SCML1: variants seen among roughly 807,000 people sequenced by gnomAD.
SCML1 encodes sex comb on midleg-like protein 1.
For synonymous variants in SCML1, 104 were observed against 103.6 expected, an observed-to-expected ratio of 1.00 and a Z score of -0.02; for missense variants, 137 against 258.1, an observed-to-expected ratio of 0.53 and a Z score of 3.22.
chrX:17,749,800 A>G (rs988309827), intron 5 of SCML1, 94 bp from the exon 6 acceptor site: 73 of 804,772 alleles, frequency 9.1e-5, no homozygotes, highest in Non-Finnish European at 1.1e-4. Context: ...ATGTAAAGCA[A>G]TGTTGCATGG....
intron 3 of SCML1, 71 bp from the exon 4 acceptor site, chrX:17,745,947 C>T: frequency 3.7e-6 from 2 of 547,710 alleles, no homozygotes; most frequent in South Asian, 8.6e-5. Context: ...AAATATAGCT[C>T]CCCCCTGCCC....
intron 4 of SCML1, 107 bp downstream of exon 4, chrX:17,746,205 AATTT>A (rs1380284454): frequency 2.5e-6 from 1 of 405,825 alleles, no homozygotes; most frequent in East Asian, 4.0e-5. Flanking sequence ...TTTGCCTATC[AATTT>A]ATTTATGATT....
At chrX:17,749,811 A>T (rs1346170779) in intron 5 of SCML1, 83 bp from the exon 6 acceptor site, 1 of 909,260 alleles carries the variant, frequency 1.1e-6, no homozygotes, top group Non-Finnish European at 1.5e-6. Context: ...TGTTGCATGG[A>T]AAATAAGTAT....
At chrX:17,743,415 G>C (rs765378907) in intron 1 of SCML1, among the ~76,000 whole-genome samples, 10 of 111,840 alleles carry the variant, frequency 8.9e-5, no homozygotes, top group Non-Finnish European at 1.3e-4. Flanking sequence ...CAAATTTCTA[G>C]TACAAGATAT....
At chrX:17,752,015 C>T (rs755376382) in intron 7 of SCML1, 49 bp downstream of exon 7, 3 of 1,141,594 alleles carry the variant, frequency 2.6e-6, no homozygotes, top group Admixed American at 2.3e-5. Context: ...CTTTGAATGA[C>T]CTCTGTGCAG....
chrX:17,752,785 T>C (rs915362235), intron 7 of SCML1, among the ~76,000 whole-genome samples: 3 of 111,786 alleles, frequency 2.7e-5, no homozygotes, highest in African/African-American at 9.7e-5. Context: ...TTTTAGCATC[T>C]AATTAGTTTC....
chrX:17,753,375 A>C lies in SCML1; in HGVS notation c.973A>C (p.Lys325Gln). ...CYYIDRLKQG[K>Q]CFEN Reference sequence around the variant, plus strand: ...CTACATTGACCGACTTAAACAAGGAAAATGCTTTGAAAATTGAAAAAATCC... The same window carrying C: ...CTACATTGACCGACTTAAACAAGGACAATGCTTTGAAAATTGAAAAAATCC... Residue 325 changes from lysine (K) to glutamine (Q), a missense_variant, in exon 8 of 8, where the codon AAA becomes CAA. Transcript: ENST00000380041. The C allele has an allele frequency of 8.9e-7, 1 of 1,126,828 alleles. No homozygotes were observed. The highest frequency in any genetic ancestry group is 1.2e-6 in the Non-Finnish European group (1 of 849,691). The allele number at this position is 1,126,828 out of a possible 1,213,427, so 92.9% of individuals were successfully genotyped here. A position where few individuals can be genotyped will look rare whatever the true frequency, so the allele number is the denominator to read the frequency against.
At chrX:17,752,188 C>CCT (rs1269185557) in intron 7 of SCML1, among the ~76,000 whole-genome samples, 1 of 111,886 alleles carries the variant, frequency 8.9e-6, no homozygotes, top group Non-Finnish European at 1.9e-5. Flanking sequence ...GCCTCAGCTT[C>CCT]TTAAGACATG....
intron 1 of SCML1, among the ~76,000 whole-genome samples, chrX:17,742,018 A>G (rs1163239310): frequency 8.9e-6 from 1 of 112,525 alleles, no homozygotes; most frequent in Non-Finnish European, 1.9e-5. Context: ...TGAAATGATT[A>G]TCCTTCTGGA....
chrX:17,740,963 A>C (rs955196427), intron 1 of SCML1, among the ~76,000 whole-genome samples: 1 of 111,942 alleles, frequency 8.9e-6, no homozygotes, highest in Non-Finnish European at 1.9e-5. Flanking sequence ...ACTACAGCCA[A>C]ATTTTGACAA....
intron 1 of SCML1, among the ~76,000 whole-genome samples, chrX:17,742,961 T>C (rs932911636): frequency 8.9e-6 from 1 of 112,120 alleles, no homozygotes; most frequent in African/African-American, 3.2e-5. Flanking sequence ...AAGGTTATGG[T>C]TGTGAGATTC....
chrX:17,748,830 G>A (rs1229798393), intron 4 of SCML1, among the ~76,000 whole-genome samples: 3 of 111,824 alleles, frequency 2.7e-5, no homozygotes, highest in East Asian at 5.6e-4. Context: ...CTATGTGTTC[G>A]ATTGGCGCGT....
At chrX:17,740,341 G>C (rs1389579738) in intron 1 of SCML1, among the ~76,000 whole-genome samples, 1 of 111,787 alleles carries the variant, frequency 8.9e-6, no homozygotes. Flanking sequence ...ACCCAGGCTT[G>C]TTGTCTATGT....
chrX:17,750,058 G>A lies in SCML1; in HGVS notation c.468G>A (p.Arg156=), dbSNP rs1363163987. The A allele has an allele frequency of 1.7e-6, 2 of 1,211,781 alleles. No individual in the cohort carries two copies. Among genetic ancestry groups the A allele is most frequent in the Non-Finnish European group, 2.2e-6 (2 of 895,437 alleles). The change falls in exon 6 of 8, where the codon AGG becomes AGA. Residue 156 remains arginine (R), a synonymous_variant. Transcript: ENST00000380041. The part of the protein sequence containing the change: ...RENNSPSNLP[R]PSFCMEEYQR... ...ATAATTCCCCGAGCAACCTTCCAAGGCCATCCTTTTGCATGGAAGAATACC... is the reference window on the plus strand; with the variant it reads ...ATAATTCCCCGAGCAACCTTCCAAGACCATCCTTTTGCATGGAAGAATACC...
intron 7 of SCML1, among the ~76,000 whole-genome samples, chrX:17,752,350 G>T (rs2066719513): frequency 1.8e-5 from 2 of 112,090 alleles, no homozygotes; most frequent in African/African-American, 6.5e-5. Flanking sequence ...TATATAACCA[G>T]TGATTCAACA....
Position 17,750,133 on chromosome X carries a change from A to G in SCML1, c.543A>G (p.Pro181=), listed in dbSNP as rs1313310539. 8.3e-7 allele frequency: 1 copy of G among 1,210,620 alleles called. No individual in the cohort carries two copies. The highest frequency in any genetic ancestry group is 1.7e-5 in the African/African-American group (1 of 57,338). The part of the protein sequence containing the change: ...EDPILSRTPS[P]VHPSDFSEHN... ...CGATCCTCAGCCGCACTCCGAGTCC[A>G]GTGCATCCCTCAGATTTCTCTGAGC... The change falls in exon 6 of 8, where the codon CCA becomes CCG. Residue 181 remains proline, a synonymous_variant. Coordinates refer to ENST00000380041, the MANE Select transcript of SCML1 (RefSeq NM_001037540.3).
At chrX:17,752,410 C>G (rs951232176) in intron 7 of SCML1, among the ~76,000 whole-genome samples, 2 of 112,201 alleles carry the variant, frequency 1.8e-5, no homozygotes, top group Non-Finnish European at 3.8e-5. Flanking sequence ...CTAATACCCT[C>G]TTGCTATTAT....
At chrX:17,745,957 C>T in intron 3 of SCML1, 61 bp from the exon 4 acceptor site, 1 of 662,181 alleles carries the variant, frequency 1.5e-6, no homozygotes, top group Non-Finnish European at 2.3e-6. Context: ...CCCCCCTGCC[C>T]CCAGTGTTCA....
chrX:17,752,529 G>A (rs1488200112), intron 7 of SCML1, among the ~76,000 whole-genome samples: 2 of 112,417 alleles, frequency 1.8e-5, no homozygotes, highest in Admixed American at 9.4e-5. Flanking sequence ...AACAAAGGTT[G>A]TACTATAAGG....
Sources: allele counts gnomAD v4.1 joint callset (sites outside exome capture counted in the v4.1 genomes callset), GRCh38; gene constraint gnomAD v4.1.1; transcripts MANE v1.5; gene names NCBI Gene and HGNC (gene_info 2026-07-23, HGNC 2026-07-21).